The following NBEA variants were observed in gnomAD, a reference collection of about 807,000 sequenced individuals.
NBEA encodes lysosomal-trafficking regulator 2.
Under a neutral mutation model 343.4 loss-of-function variants are expected in NBEA, and 44 were observed. The ratio of observed to expected loss-of-function variants is 0.13; its 90% CI spans 0.10 to 0.16. The LOEUF is 0.16. Among genes scored for constraint, NBEA ranks in the 10% least tolerant of loss-of-function variants. NBEA has a pLI of 1.00. For missense variants in NBEA, 2,555 were observed against 3,631.3 expected (o/e 0.70, Z 7.62); for synonymous variants, 1,175 against 1,238.7 (o/e 0.95, Z 1.08).
In NBEA at chr13:35,208,872, T is replaced by C. The variant is rs753340728; in HGVS notation, c.5521+18T>C. The C allele has an allele frequency of 2.8e-5, 41 of 1,486,674 alleles. 1 individual carries two copies. In the South Asian group the frequency reaches 5.6e-4, roughly 20 times the overall value. 92.1% of individuals were successfully genotyped at this position (1,486,674 alleles called of 1,614,324 possible). A position where few individuals can be genotyped will look rare whatever the true frequency, so the allele number is the denominator to read the frequency against. ...TACAACAGGTATTGTACTTACATATTTTTGTGATACTCATCTTTTTATGTT... is the reference window on the plus strand; with the variant it reads ...TACAACAGGTATTGTACTTACATATCTTTGTGATACTCATCTTTTTATGTT... On this transcript the variant is annotated intron_variant, in intron 32 of 58. Transcript: ENST00000379939.
At chr13:35,531,808 C>A (rs1320878919) in intron 41 of NBEA, among the ~76,000 whole-genome samples, 2 of 152,230 alleles carry the variant, frequency 1.3e-5, no homozygotes, top group African/African-American at 2.4e-5. Context: ...CAAGGCTTCC[C>A]TACTCCAGAC....
intron 1 of NBEA, among the ~76,000 whole-genome samples, chr13:35,027,316 A>G (rs765580867): frequency 2.0e-5 from 3 of 152,026 alleles, no homozygotes; most frequent in Non-Finnish European, 4.4e-5. Context: ...TTTGTAATAT[A>G]CTGCCAAACT....
chr13:35,034,546 T>C (rs1376525962), intron 1 of NBEA, among the ~76,000 whole-genome samples: 1 of 151,894 alleles, frequency 6.6e-6, no homozygotes, highest in African/African-American at 2.4e-5. Flanking sequence ...TGGAATGAGT[T>C]TGGAAGTATT....
intron 1 of NBEA, among the ~76,000 whole-genome samples, chr13:35,017,994 A>G (rs1010717669): frequency 1.3e-5 from 2 of 152,118 alleles, no homozygotes; most frequent in Admixed American, 6.5e-5. Context: ...TCCATTATTT[A>G]TCTTGTCACC....
intron 1 of NBEA, among the ~76,000 whole-genome samples, chr13:34,991,157 C>A (rs1384125252): frequency 6.6e-6 from 1 of 152,196 alleles, no homozygotes; most frequent in South Asian, 2.1e-4. Flanking sequence ...CTTATGAGCT[C>A]TCCAAACTGT....
chr13:35,251,574 C>T (rs1239474090), intron 34 of NBEA: 18 of 1,206,156 alleles, frequency 1.5e-5, no homozygotes, highest in Non-Finnish European at 1.7e-5. Flanking sequence ...GGAAGGCGTT[C>T]ACAGAAGCAG....
chr13:34,989,605 A>G (rs1387443087), intron 1 of NBEA, among the ~76,000 whole-genome samples: 2 of 150,772 alleles, frequency 1.3e-5, no homozygotes, highest in African/African-American at 4.8e-5. Context: ...AACACTGAGG[A>G]TTACAGTTTG....
intron 54 of NBEA, 27 bp downstream of exon 54, chr13:35,655,037 T>G: frequency 6.9e-7 from 1 of 1,451,404 alleles, no homozygotes; most frequent in Non-Finnish European, 9.1e-7. Flanking sequence ...AACACCATAT[T>G]CTCTTCAAAA....
chr13:34,983,549 G>A (rs1324373772), intron 1 of NBEA, among the ~76,000 whole-genome samples: 3 of 152,058 alleles, frequency 2.0e-5, no homozygotes, highest in Non-Finnish European at 4.4e-5. Flanking sequence ...TAGTGGGATC[G>A]CTGGGTCAAA....
At chr13:35,610,912 GAT>G (rs1377976807) in intron 48 of NBEA, among the ~76,000 whole-genome samples, 2 of 151,838 alleles carry the variant, frequency 1.3e-5, no homozygotes, top group Non-Finnish European at 2.9e-5. Context: ...CAGCGAAGAA[GAT>G]ATGTAGATGG....
At chr13:35,509,041 C>T (rs1041131789) in intron 41 of NBEA, among the ~76,000 whole-genome samples, 13 of 152,196 alleles carry the variant, frequency 8.5e-5, no homozygotes, top group African/African-American at 3.1e-4. Flanking sequence ...GCCTTATTGT[C>T]CAGCCCTGAC....
intron 1 of NBEA, among the ~76,000 whole-genome samples, chr13:35,009,135 G>T (rs2152531453): frequency 6.6e-6 from 1 of 152,242 alleles, no homozygotes; most frequent in East Asian, 1.9e-4. Flanking sequence ...GTAAATATTT[G>T]CTGAATGACT....
chr13:35,463,403 G>A (rs898434666), intron 40 of NBEA, among the ~76,000 whole-genome samples: 6 of 152,064 alleles, frequency 3.9e-5, no homozygotes, highest in East Asian at 1.9e-4. Flanking sequence ...CGGGAGGATC[G>A]CTTAAGCTCA....
At chr13:35,420,497 G>C (rs1205000017) in intron 38 of NBEA, among the ~76,000 whole-genome samples, 1 of 151,590 alleles carries the variant, frequency 6.6e-6, no homozygotes, top group Non-Finnish European at 1.5e-5. Flanking sequence ...TACTGTTTTT[G>C]GTTTTTGTAT....
intron 34 of NBEA, among the ~76,000 whole-genome samples, chr13:35,258,922 TAGGGTAATATA>T (rs1468632313): frequency 6.6e-6 from 1 of 152,178 alleles, no homozygotes; most frequent in Non-Finnish European, 1.5e-5. Flanking sequence ...TGCCCCCAAA[TAGGGTAATATA>T]AGTGTTCTGA....
At chr13:35,148,895 C>T (rs561364853) in intron 18 of NBEA, among the ~76,000 whole-genome samples, 1 of 152,232 alleles carries the variant, frequency 6.6e-6, no homozygotes, top group East Asian at 1.9e-4. Flanking sequence ...AACTGTATTA[C>T]AGAAACAGGT....
chr13:35,048,510 AC>A, intron 4 of NBEA, 52 bp from the exon 5 acceptor site: 1 of 1,536,456 alleles, frequency 6.5e-7, no homozygotes, highest in Non-Finnish European at 8.8e-7. Context: ...GACCTTAGCT[AC>A]TATCACATTT....
rs752699725 is a variant in NBEA, at chr13:35,109,421, C to T, written c.1812C>T (p.Ile604=). 1 of 1,610,758 alleles carries T rather than the reference C, an allele frequency of 6.2e-7. No homozygotes were observed. Among genetic ancestry groups the T allele is most frequent in the African/African-American group, 1.3e-5 (1 of 74,792 alleles). ...LCDHILFNPA[I]WIHTPAKVQL... ...ATCACATTTTATTTAACCCAGCCAT[C>T]TGGATACATACACCTGCAAAGGTAT... is the stretch of plus-strand genomic sequence containing the variant. Residue 604 remains isoleucine, a synonymous_variant, in exon 12 of 59, where the codon ATC becomes ATT. Coordinates refer to ENST00000379939, the MANE Select transcript of NBEA (RefSeq NM_001385012.1).
Position 34,992,190 on chromosome 13 carries a change from G to A in NBEA, c.295-48743G>A, listed in dbSNP as rs1465840153. On this transcript the variant is annotated intron_variant, in intron 1 of 58. Coordinates refer to ENST00000379939, the MANE Select transcript of NBEA (RefSeq NM_001385012.1). ...GAAAAATGTGTGTGTATATGTGTGT[G>A]TATATATATGTGTGTGTGTGTGTGT... 2.1e-5 allele frequency among the ~76,000 whole-genome samples: 3 copies of A among 142,860 alleles called. No homozygotes were observed. The East Asian group carries it at 6.0e-4, about 29-fold the overall frequency. The allele number at this position is 142,860 out of a possible 152,430, so 93.7% of individuals were successfully genotyped here. A position where few individuals can be genotyped will look rare whatever the true frequency, so the allele number is the denominator to read the frequency against.
Sources: allele counts gnomAD v4.1 joint callset (sites outside exome capture counted in the v4.1 genomes callset), GRCh38; gene constraint gnomAD v4.1.1; transcripts MANE v1.5; gene names NCBI Gene and HGNC (gene_info 2026-07-23, HGNC 2026-07-21).